The following BAG4 variants were observed in gnomAD, a reference collection of about 807,000 sequenced individuals.
BAG4 encodes BAG family molecular chaperone regulator 4.
BAG4 carries 28 observed loss-of-function variants against 52.1 expected under a neutral mutation model. The observed-to-expected ratio is 0.54, with a 90% CI of 0.40 to 0.74. The LOEUF (loss-of-function observed/expected upper bound fraction) is 0.74. Ranked by LOEUF, BAG4 falls within the 30% of genes least tolerant of loss-of-function variation. The pLI, the probability that BAG4 is intolerant of heterozygous loss-of-function variation, is 0.00. For synonymous variants in BAG4, 208 were observed against 217.0 expected (o/e 0.96, Z 0.37); for missense variants, 525 against 572.0 (o/e 0.92, Z 0.84).
Position 38,210,072 on chromosome 8 carries a change from T to C in BAG4, c.953T>C (p.Val318Ala), listed in dbSNP as rs143644289. The change falls in exon 5 of 5, where the codon GTC (valine) becomes GCC (alanine). Residue 318 changes from valine (V) to alanine (A), a missense_variant. Coordinates refer to ENST00000287322, the MANE Select transcript of BAG4 (RefSeq NM_004874.4). ...AACCGGCACAACTTTCCTTGCAGTG[T>C]CCATCAGTACGAATCCTCGGGGACA... ...SMNRHNFPCSVHQYESSGTVN... is the reference protein window; with the variant it reads ...SMNRHNFPCSAHQYESSGTVN... 6.2e-7 allele frequency: 1 copy of C among 1,614,066 alleles called. No homozygotes were observed. Among genetic ancestry groups the C allele is most frequent in the Non-Finnish European group, 8.5e-7 (1 of 1,180,038 alleles).
intron 2 of BAG4, among the ~76,000 whole-genome samples, chr8:38,200,658 G>C (rs536193960): frequency 1.3e-5 from 2 of 152,024 alleles, no homozygotes; most frequent in South Asian, 4.2e-4. Context: ...GAGTGCAATG[G>C]CACGATCTTG....
intron 2 of BAG4, among the ~76,000 whole-genome samples, chr8:38,206,673 G>A (rs1803773028): frequency 1.3e-5 from 2 of 152,158 alleles, no homozygotes; most frequent in Non-Finnish European, 2.9e-5. Context: ...TCAAAGATAC[G>A]TTTATGATCT....
intron 1 of BAG4, among the ~76,000 whole-genome samples, chr8:38,183,411 C>T (rs865805750): frequency 5.3e-5 from 8 of 152,198 alleles, no homozygotes; most frequent in Middle Eastern, 3.4e-3. Context: ...CCCAGAACTT[C>T]TCCTGCCGAC....
intron 2 of BAG4, among the ~76,000 whole-genome samples, chr8:38,198,922 C>T (rs1024383385): frequency 6.6e-6 from 1 of 152,156 alleles, no homozygotes; most frequent in Admixed American, 6.6e-5. Flanking sequence ...CAGGTGGGAA[C>T]TGTCATCTCC....
At chr8:38,188,581 G>T (rs1049784923) in intron 1 of BAG4, among the ~76,000 whole-genome samples, 1 of 149,130 alleles carries the variant, frequency 6.7e-6, no homozygotes, top group Non-Finnish European at 1.5e-5. Flanking sequence ...ATATATACGT[G>T]TATACACATA....
intron 2 of BAG4, among the ~76,000 whole-genome samples, chr8:38,198,177 A>G (rs928254703): frequency 9.9e-5 from 15 of 151,550 alleles, no homozygotes; most frequent in Non-Finnish European, 1.0e-4. Context: ...GAGGTCAGGA[A>G]ATCGAGACCA....
chr8:38,181,809 C>G (rs574317850), intron 1 of BAG4, among the ~76,000 whole-genome samples: 12 of 134,076 alleles, frequency 9.0e-5, no homozygotes, highest in Admixed American at 3.4e-4. Flanking sequence ...GAGAATTGCT[C>G]AAACCAGGGA....
intron 1 of BAG4, among the ~76,000 whole-genome samples, chr8:38,182,679 G>C (rs2038136231): frequency 1.3e-5 from 2 of 152,140 alleles, no homozygotes; most frequent in African/African-American, 4.8e-5. Flanking sequence ...ATAGAGTTCA[G>C]CTTCAGCCAG....
At chr8:38,178,980 A>C in intron 1 of BAG4, among the ~76,000 whole-genome samples, 1 of 152,138 alleles carries the variant, frequency 6.6e-6, no homozygotes, top group South Asian at 2.1e-4. Context: ...AAAAATAAAA[A>C]AATAAAAAAC....
intron 1 of BAG4, among the ~76,000 whole-genome samples, chr8:38,180,447 C>T (rs939845415): frequency 2.8e-5 from 4 of 141,344 alleles, no homozygotes; most frequent in East Asian, 2.3e-4. Flanking sequence ...CATTTGAACC[C>T]GGGAGGCAGA....
chr8:38,201,841 TATA>T (rs1563283909), intron 2 of BAG4: 2 of 8,526 alleles, frequency 2.3e-4, no homozygotes, highest in African/African-American at 5.3e-4. Context: ...AATTTATATA[TATA>T]TATATATATA....
Position 38,176,947 on chromosome 8 carries a change from A to G in BAG4, c.78A>G (p.Gly26=). 3.2e-6 allele frequency: 5 copies of G among 1,557,910 alleles called. No individual in the cohort carries two copies. The highest frequency in any genetic ancestry group is 3.5e-6 in the Non-Finnish European group (4 of 1,151,276). The change falls in exon 1 of 5, where the codon GGA becomes GGG. Residue 26 remains glycine (G), a synonymous_variant. Transcript: ENST00000287322. The part of the protein sequence containing the change: ...SYGRYYGPGG[G]DVPVHPPPPL... ...GCCGCTACTACGGGCCTGGGGGTGGAGATGTGCCGGTACACCCACCTCCAC... is the reference window on the plus strand; with the variant it reads ...GCCGCTACTACGGGCCTGGGGGTGGGGATGTGCCGGTACACCCACCTCCAC...
At chr8:38,189,224 C>T (rs762308237) in intron 1 of BAG4, among the ~76,000 whole-genome samples, 1 of 151,778 alleles carries the variant, frequency 6.6e-6, no homozygotes, top group Non-Finnish European at 1.5e-5. Flanking sequence ...GGATTACAGA[C>T]GTAAGCCACC....
intron 1 of BAG4, 136 bp from the exon 2 acceptor site, chr8:38,192,552 G>A (rs952236145): frequency 2.4e-5 from 15 of 614,290 alleles, no homozygotes; most frequent in East Asian, 9.4e-5. Flanking sequence ...GACAAGAAGC[G>A]TGTGCCACTG....
intron 1 of BAG4, among the ~76,000 whole-genome samples, chr8:38,186,948 G>A (rs1455998762): frequency 6.6e-6 from 1 of 152,166 alleles, no homozygotes; most frequent in East Asian, 1.9e-4. Flanking sequence ...CTAAACAAAT[G>A]AGCAAATGAC....
chr8:38,184,159 A>G (rs1287293755), intron 1 of BAG4, among the ~76,000 whole-genome samples: 1 of 152,134 alleles, frequency 6.6e-6, no homozygotes, highest in Non-Finnish European at 1.5e-5. Context: ...GGTTGGAGTG[A>G]TTATAGCCAG....
At chr8:38,183,041 T>G (rs1585651217) in intron 1 of BAG4, among the ~76,000 whole-genome samples, 2 of 141,080 alleles carry the variant, frequency 1.4e-5, no homozygotes. Context: ...CCCATCTTTT[T>G]TTTTTTTTTT....
intron 2 of BAG4, among the ~76,000 whole-genome samples, chr8:38,198,634 G>A (rs1331296054): frequency 2.7e-5 from 4 of 150,686 alleles, no homozygotes; most frequent in African/African-American, 7.3e-5. Context: ...GACTACAGGC[G>A]CCCACCACCA....
At chr8:38,205,140 C>T (rs1306451870) in intron 2 of BAG4, among the ~76,000 whole-genome samples, 2 of 151,784 alleles carry the variant, frequency 1.3e-5, no homozygotes, top group African/African-American at 4.8e-5. Flanking sequence ...AAACGATCCT[C>T]CTGCCTCAGC....
Sources: allele counts gnomAD v4.1 joint callset (sites outside exome capture counted in the v4.1 genomes callset), GRCh38; gene constraint gnomAD v4.1.1; transcripts MANE v1.5; gene names NCBI Gene and HGNC (gene_info 2026-07-23, HGNC 2026-07-21).